SASH1: variants seen among roughly 807,000 people sequenced by gnomAD.
SASH1 encodes the protein SAM and SH3 domain containing 1, also known as SAM and SH3 domain-containing protein 1.
A neutral mutation model predicts 125.2 loss-of-function variants in SASH1; 44 were observed. The observed-to-expected ratio is 0.35, with a 90% confidence interval of 0.28 to 0.45. SASH1 has a LOEUF of 0.45. SASH1 is among the 20% of genes least tolerant of loss of function. SASH1 has a pLI of 1.00. For missense variants in SASH1, 1,426 were observed against 1,614.5 expected (o/e 0.88, Z 2.00); for synonymous variants, 639 against 649.1 (o/e 0.98, Z 0.24).
intron 1 of SASH1, among the ~76,000 whole-genome samples, chr6:148,387,676 C>CT (rs1216521634): frequency 2.2e-5 from 2 of 91,892 alleles, no homozygotes; most frequent in African/African-American, 9.5e-5. Flanking sequence ...TTCTTTCTTT[C>CT]TTTCTTTCTT....
chr6:148,407,777 C>G (rs528538121), intron 2 of SASH1, among the ~76,000 whole-genome samples: 1 of 152,022 alleles, frequency 6.6e-6, no homozygotes, highest in Non-Finnish European at 1.5e-5. Context: ...GGACTACAGG[C>G]GCGCACCACC....
chr6:148,528,183 CT>C (rs976229286), intron 12 of SASH1, among the ~76,000 whole-genome samples: 10 of 152,148 alleles, frequency 6.6e-5, no homozygotes, highest in South Asian at 2.1e-4. Context: ...TTTTTCCCCC[CT>C]GGATCTATAA....
chr6:148,349,409 A>C (rs899772661), intron 1 of SASH1, among the ~76,000 whole-genome samples: 1 of 151,346 alleles, frequency 6.6e-6, no homozygotes, highest in Non-Finnish European at 1.5e-5. Context: ...GATTACAGGC[A>C]TCTGCCACCA....
At chr6:148,429,385 T>TAAAA (rs61460366) in intron 2 of SASH1, among the ~76,000 whole-genome samples, 1,465 of 73,918 alleles carry the variant, frequency 0.02, 49 homozygotes, top group East Asian at 0.073. Flanking sequence ...CCCTGTCTCT[T>TAAAA]AAAAAAAAAA....
intron 1 of SASH1, among the ~76,000 whole-genome samples, chr6:148,363,506 A>G (rs1288180867): frequency 6.6e-5 from 10 of 151,778 alleles, no homozygotes; most frequent in Admixed American, 4.6e-4. Context: ...GATTCAAGCA[A>G]TTCTCTGCCT....
In SASH1 at chr6:148,514,519, T is replaced by C. The variant is rs572274005; in HGVS notation, c.862+63T>C. 19 of 1,302,764 alleles carry C rather than the reference T, an allele frequency of 1.5e-5. No individual in the cohort carries two copies. The East Asian group carries it at 1.9e-4, about 13-fold the overall frequency. 80.7% of individuals were successfully genotyped at this position (1,302,764 alleles called of 1,614,324 possible). A position where few individuals can be genotyped will look rare whatever the true frequency, so the allele number is the denominator to read the frequency against. On this transcript the variant is annotated intron_variant, in intron 9 of 19. Coordinates refer to ENST00000367467, the MANE Select transcript of SASH1 (RefSeq NM_015278.5). ...TCCACCCTGGTTATTCCAAAAGAAA[T>C]CATTTGGGGTCAGTTTCTCAGCAGA...
chr6:148,486,651 C>T (rs1023118680), intron 7 of SASH1, among the ~76,000 whole-genome samples: 3 of 150,440 alleles, frequency 2.0e-5, no homozygotes, highest in African/African-American at 4.9e-5. Flanking sequence ...TATGGTGGCT[C>T]ACACCTGTAA....
At chr6:148,395,572 A>G (rs916079183) in intron 2 of SASH1, among the ~76,000 whole-genome samples, 1 of 152,196 alleles carries the variant, frequency 6.6e-6, no homozygotes, top group Non-Finnish European at 1.5e-5. Context: ...ATTATGATTC[A>G]CATTTATAAC....
At chr6:148,471,597 G>GT (rs1778122312) in intron 6 of SASH1, 94 bp downstream of exon 6, 1 of 757,222 alleles carries the variant, frequency 1.3e-6, no homozygotes. Context: ...ATAAGTTAGC[G>GT]TAACTCACCG....
chr6:148,355,381 T>C (rs1781892455), intron 1 of SASH1, among the ~76,000 whole-genome samples: 1 of 151,908 alleles, frequency 6.6e-6, no homozygotes, highest in Non-Finnish European at 1.5e-5. Context: ...TGATGTGTAG[T>C]AGCAATTTGC....
chr6:148,526,540 C>A (rs1211764056), intron 11 of SASH1, among the ~76,000 whole-genome samples: 2 of 152,076 alleles, frequency 1.3e-5, no homozygotes, highest in Non-Finnish European at 2.9e-5. Context: ...ATTTGGCTAT[C>A]GAATTATATT....
intron 1 of SASH1, among the ~76,000 whole-genome samples, chr6:148,385,288 T>C (rs1377680209): frequency 6.6e-6 from 1 of 152,208 alleles, no homozygotes; most frequent in African/African-American, 2.4e-5. Flanking sequence ...GCAACAAATA[T>C]ATTTTTCAGG....
chr6:148,355,577 C>T (rs1176511116), intron 1 of SASH1, among the ~76,000 whole-genome samples: 1 of 152,148 alleles, frequency 6.6e-6, no homozygotes, highest in African/African-American at 2.4e-5. Context: ...TATTTTGTAT[C>T]AAGAACTCTT....
At chr6:148,451,342 T>C (rs1777092221) in intron 4 of SASH1, among the ~76,000 whole-genome samples, 1 of 152,218 alleles carries the variant, frequency 6.6e-6, no homozygotes, top group South Asian at 2.1e-4. Context: ...TAAAAAGTGC[T>C]TTCGGCTTGT....
In SASH1 at chr6:148,534,795, C is replaced by T. The variant is rs746473743; in HGVS notation, c.1989C>T (p.Asp663=). 9.3e-6 allele frequency: 15 copies of T among 1,614,080 alleles called. No homozygotes were observed. The change falls in exon 16 of 20, where the codon GAC becomes GAT. Residue 663 remains aspartate, a synonymous_variant. Coordinates refer to ENST00000367467, the MANE Select transcript of SASH1 (RefSeq NM_015278.5). The part of the protein sequence containing the change: ...TFLFNGYEDL[D]TFKLLEEEDL... ...TGTTCAATGGATATGAAGATTTGGA[C>T]ACCTTTAAGCTGCTGGAGGAGGAAG...
At chr6:148,378,394 G>A (rs373996660) in intron 1 of SASH1, among the ~76,000 whole-genome samples, 2 of 140,328 alleles carry the variant, frequency 1.4e-5, no homozygotes, top group Admixed American at 7.1e-5. Flanking sequence ...TCACTCTGTC[G>A]CCCAGGCTGG....
At chr6:148,446,261 A>G (rs879281078) in intron 4 of SASH1, among the ~76,000 whole-genome samples, 1 of 151,864 alleles carries the variant, frequency 6.6e-6, no homozygotes, top group Non-Finnish European at 1.5e-5. Context: ...GGTGCCCGCC[A>G]TCATGCCCAG....
chr6:148,396,116 C>T (rs1369612631), intron 2 of SASH1, among the ~76,000 whole-genome samples: 1 of 152,118 alleles, frequency 6.6e-6, no homozygotes, highest in Non-Finnish European at 1.5e-5. Flanking sequence ...GGTGGAGATG[C>T]ACTGAGGTCT....
chr6:148,486,198 G>T (rs1023220477), intron 7 of SASH1, among the ~76,000 whole-genome samples: 1 of 152,054 alleles, frequency 6.6e-6, no homozygotes, highest in Non-Finnish European at 1.5e-5. Flanking sequence ...TCGGCTCACC[G>T]CAACCTCTGC....
Sources: allele counts gnomAD v4.1 joint callset (sites outside exome capture counted in the v4.1 genomes callset), GRCh38; gene constraint gnomAD v4.1.1; transcripts MANE v1.5; gene names NCBI Gene and HGNC (gene_info 2026-07-23, HGNC 2026-07-21).